The following DNAJA3 variants were observed in gnomAD, a reference collection of about 807,000 sequenced individuals.
The protein encoded by DNAJA3 is DnaJ heat shock protein family (Hsp40) member A3.
A neutral mutation model predicts 54.9 loss-of-function variants in DNAJA3; 29 were observed. That is an observed-to-expected ratio of 0.53 (90% CI 0.39 to 0.72). The LOEUF (loss-of-function observed/expected upper bound fraction) is 0.72, where lower values mean the gene tolerates loss of function less well. Among genes scored for constraint, DNAJA3 ranks in the 30% least tolerant of loss-of-function variants. The pLI is 0.00. For synonymous variants in DNAJA3, 302 were observed against 251.4 expected (o/e 1.20, Z -1.90); for missense variants, 708 against 639.4 (o/e 1.11, Z -1.16).
At chr16:4,446,584 A>G (rs958430994) in intron 7 of DNAJA3, among the ~76,000 whole-genome samples, 2 of 152,064 alleles carry the variant, frequency 1.3e-5, no homozygotes, top group Admixed American at 6.6e-5. Context: ...CCAGTTTTAC[A>G]TTTTTGTTTC....
intron 3 of DNAJA3, among the ~76,000 whole-genome samples, chr16:4,438,635 C>CTTTTTTTTTTTT (rs56211652): frequency 5.4e-5 from 6 of 110,650 alleles, no homozygotes; most frequent in African/African-American, 1.8e-4. Context: ...ACAATCTTTT[C>CTTTTTTTTTTTT]TTTTTTTTTT....
intron 11 of DNAJA3, 104 bp from the exon 12 acceptor site, chr16:4,455,442 C>T (rs1350427484): frequency 1.4e-6 from 2 of 1,402,538 alleles, no homozygotes; most frequent in Non-Finnish European, 2.0e-6. Flanking sequence ...GTTCTCGCCC[C>T]TCTCTTGGCA....
At chr16:4,453,236 C>T (rs1478067651) in intron 10 of DNAJA3, among the ~76,000 whole-genome samples, 2 of 151,742 alleles carry the variant, frequency 1.3e-5, no homozygotes, top group African/African-American at 2.4e-5. Context: ...GTTTTTGATG[C>T]GTTTAGTATC....
chr16:4,454,321 CAGCTTT>C (rs2057010867), intron 10 of DNAJA3, among the ~76,000 whole-genome samples: 1 of 152,182 alleles, frequency 6.6e-6, no homozygotes, highest in Non-Finnish European at 1.5e-5. Flanking sequence ...GGTTGAGTCT[CAGCTTT>C]GGAGTCAGAC....
At chr16:4,438,831 G>A (rs976446266) in intron 3 of DNAJA3, among the ~76,000 whole-genome samples, 10 of 151,882 alleles carry the variant, frequency 6.6e-5, no homozygotes, top group Non-Finnish European at 1.5e-4. Flanking sequence ...ATATCTATAA[G>A]AGTAGACAGC....
chr16:4,449,219 A>G (rs563129513), intron 9 of DNAJA3, among the ~76,000 whole-genome samples: 1 of 151,694 alleles, frequency 6.6e-6, no homozygotes, highest in Admixed American at 6.6e-5. Context: ...AGTGGCCTCA[A>G]TCTCCTGACC....
At chr16:4,439,897 T>A (rs976112361) in intron 3 of DNAJA3, among the ~76,000 whole-genome samples, 2 of 152,140 alleles carry the variant, frequency 1.3e-5, no homozygotes, top group Admixed American at 1.3e-4. Context: ...GTCTTTTCCT[T>A]TGGAGGAAGC....
At chr16:4,452,527 C>G (rs2056990795) in intron 10 of DNAJA3, among the ~76,000 whole-genome samples, 1 of 152,154 alleles carries the variant, frequency 6.6e-6, no homozygotes, top group Non-Finnish European at 1.5e-5. Flanking sequence ...GGTTACTTGT[C>G]CTGATCACTC....
intron 1 of DNAJA3, among the ~76,000 whole-genome samples, chr16:4,429,957 A>T (rs2056675513): frequency 6.6e-6 from 1 of 151,914 alleles, no homozygotes. Flanking sequence ...TGATGATGCC[A>T]CTGCACTCCA....
At chr16:4,429,613 T>C (rs2056669021) in intron 1 of DNAJA3, among the ~76,000 whole-genome samples, 1 of 152,108 alleles carries the variant, frequency 6.6e-6, no homozygotes, top group Non-Finnish European at 1.5e-5. Flanking sequence ...TGCGGGCGGA[T>C]CACCTGAAGT....
At chr16:4,434,927 C>A (rs539028185) in intron 2 of DNAJA3, among the ~76,000 whole-genome samples, 3 of 115,984 alleles carry the variant, frequency 2.6e-5, no homozygotes, top group East Asian at 5.2e-4. Context: ...GATGGAGTCT[C>A]ACTCCATTGC....
chr16:4,441,341 C>T lies in DNAJA3; in HGVS notation c.430-34C>T, dbSNP rs767296272. 6.3e-6 allele frequency: 10 copies of T among 1,586,204 alleles called. No homozygotes were observed. In the South Asian group the frequency reaches 1.0e-4, roughly 16 times the overall value. On this transcript the variant is annotated intron_variant, in intron 3 of 11. Transcript: ENST00000262375. ...TCTGTATTCCTGGGCCTTGGTAGAC[C>T]TGGGATGCCCAGTGGCTCTGCCTTT...
At chr16:4,442,833 T>C (rs1316436230) in intron 5 of DNAJA3, 184 bp from the exon 6 acceptor site, 6 of 637,100 alleles carry the variant, frequency 9.4e-6, no homozygotes, top group Non-Finnish European at 1.3e-5. Flanking sequence ...GAAGTTTGTG[T>C]GTTCTAGAAA....
At chr16:4,436,326 T>A (rs1021399296) in intron 2 of DNAJA3, among the ~76,000 whole-genome samples, 2 of 152,172 alleles carry the variant, frequency 1.3e-5, no homozygotes, top group Admixed American at 6.6e-5. Context: ...GGAGGCTGGG[T>A]TGGACTCACA....
rs1350400281 is a variant in DNAJA3 at position 4,437,465 on chromosome 16, C to A, written c.409C>A (p.Gln137Lys). 4 of 1,613,980 alleles carry A rather than the reference C, an allele frequency of 2.5e-6. No individual in the cohort carries two copies. Among genetic ancestry groups the A allele is most frequent in the Non-Finnish European group, 3.4e-6 (4 of 1,179,980 alleles). The change falls in exon 3 of 12, where the codon CAG becomes AAG. Residue 137 changes from glutamine (Q) to lysine (K), a missense_variant. Transcript: ENST00000262375. ...TCCCAAAGCCAAGGAGAAGTTCTCC[C>A]AGCTGGCAGAAGCCTATGAGGTAAT... ...DDPKAKEKFS[Q>K]LAEAYEVLSD...
intron 3 of DNAJA3, 69 bp from the exon 4 acceptor site, chr16:4,441,306 T>G (rs2056832880): frequency 1.4e-6 from 2 of 1,421,588 alleles, no homozygotes; most frequent in African/African-American, 2.9e-5. Context: ...TTATTTGCTG[T>G]GAACTCTTGT....
At chr16:4,448,485 A>T (rs8048039) in intron 8 of DNAJA3, among the ~76,000 whole-genome samples, 76,191 of 151,846 alleles carry the variant, frequency 0.5, 23,028 homozygotes, top group Non-Finnish European at 0.67. Context: ...CTGAGATTAC[A>T]GGTGCACGTT....
rs190856839 is a variant in DNAJA3 at position 4,435,079 on chromosome 16, T to C, written c.345+562T>C. On this transcript the variant is annotated intron_variant, in intron 2 of 11. Transcript: ENST00000262375. ...ACCCGGCTAATTTTTTTTGTATTTT[T>C]AGTAGAGACGCGGTTTCACTTTGTT... Among the ~76,000 whole-genome samples the C allele has an allele frequency of 2.4e-3, 372 of 152,014 alleles. 2 individuals are homozygous for C. The highest frequency in any genetic ancestry group is 8.8e-3 in the African/African-American group (363 of 41,452).
At chr16:4,452,721 C>A (rs1296081558) in intron 10 of DNAJA3, among the ~76,000 whole-genome samples, 1 of 152,038 alleles carries the variant, frequency 6.6e-6, no homozygotes, top group Non-Finnish European at 1.5e-5. Flanking sequence ...CCAGCCTGGG[C>A]AATATAGCGA....
Sources: allele counts gnomAD v4.1 joint callset (sites outside exome capture counted in the v4.1 genomes callset), GRCh38; gene constraint gnomAD v4.1.1; transcripts MANE v1.5; gene names NCBI Gene and HGNC (gene_info 2026-07-23, HGNC 2026-07-21).